SSBP2: variants seen among roughly 807,000 people sequenced by gnomAD.
The protein encoded by SSBP2 is single-stranded DNA-binding protein 2.
Under a neutral mutation model 61.8 loss-of-function variants are expected in SSBP2, and 17 were observed. The observed-to-expected ratio is 0.28, with a 90% CI of 0.19 to 0.41. The LOEUF is 0.41. Among genes scored for constraint, SSBP2 ranks in the 10% least tolerant of loss-of-function variants. SSBP2 has a pLI of 1.00. For synonymous variants in SSBP2, 139 were observed against 141.3 expected (o/e 0.98, Z 0.12); for missense variants, 310 against 458.7 (o/e 0.68, Z 2.96).
intron 1 of SSBP2, among the ~76,000 whole-genome samples, chr5:81,718,527 GA>G (rs1311014260): frequency 1.3e-5 from 2 of 152,036 alleles, no homozygotes; most frequent in Non-Finnish European, 2.9e-5. Context: ...GAAACCTAAT[GA>G]AAAAAACATC....
chr5:81,593,103 G>C (rs900466618), intron 4 of SSBP2, among the ~76,000 whole-genome samples: 2 of 152,146 alleles, frequency 1.3e-5, no homozygotes, highest in African/African-American at 4.8e-5. Flanking sequence ...AAAAAAATCA[G>C]ACGAATGGAT....
In SSBP2 at chr5:81,441,109, T is replaced by TAAAA. The variant is rs1277125439; in HGVS notation, c.850-474_850-473insTTTT. On this transcript the variant is annotated intron_variant, in intron 13 of 16. Coordinates refer to ENST00000320672, the MANE Select transcript of SSBP2 (RefSeq NM_012446.5). ...TGTTTAAATGGACATAATAAATAAT[T>TAAAA]TCATCTTATAGGTTAAATACATTTC... Among the ~76,000 whole-genome samples the TAAAA allele has an allele frequency of 3.4e-4, 52 of 152,336 alleles. No individual in the cohort carries two copies. The Middle Eastern group carries it at 0.024, about 70-fold the overall frequency.
chr5:81,739,644 A>G (rs896632515), intron 1 of SSBP2, among the ~76,000 whole-genome samples: 1 of 152,234 alleles, frequency 6.6e-6, no homozygotes, highest in Admixed American at 6.5e-5. Flanking sequence ...CAGACGGTTA[A>G]CATTTTTTTA....
At chr5:81,609,894 G>A (rs2153584175) in intron 4 of SSBP2, among the ~76,000 whole-genome samples, 1 of 152,044 alleles carries the variant, frequency 6.6e-6, no homozygotes, top group South Asian at 2.1e-4. Context: ...TAAAAGCCCT[G>A]GGCTCAGCCA....
chr5:81,441,375 C>A (rs1580692325), intron 13 of SSBP2, among the ~76,000 whole-genome samples: 1 of 152,196 alleles, frequency 6.6e-6, no homozygotes, highest in African/African-American at 2.4e-5. Flanking sequence ...TTCCTCTCAT[C>A]TCTCTAGAAG....
At position 81,418,857 on chromosome 5, in the gene SSBP2, C is replaced by T. The variant is rs1031354343; in HGVS notation, c.*1647G>A. 3.9e-5 allele frequency: 6 copies of T among 152,108 alleles called. No homozygotes were observed. Among genetic ancestry groups the T allele is most frequent in the African/African-American group, 1.4e-4 (6 of 41,428 alleles). The allele number at this position is 152,108 out of a possible 1,614,324, so 9.4% of individuals were successfully genotyped here. ...TTATGAGCTGCATGACTATATCCTGCCAAATTTTCACTTTAGAGACTATAA... is the reference window on the plus strand; with the variant it reads ...TTATGAGCTGCATGACTATATCCTGTCAAATTTTCACTTTAGAGACTATAA... On this transcript the variant is annotated 3_prime_UTR_variant, in exon 17 of 17. Coordinates refer to ENST00000320672, the MANE Select transcript of SSBP2 (RefSeq NM_012446.5).
chr5:81,626,495 G>A (rs1189370908), intron 3 of SSBP2, among the ~76,000 whole-genome samples: 1 of 152,166 alleles, frequency 6.6e-6, no homozygotes, highest in Non-Finnish European at 1.5e-5. Context: ...CGTGAGTGTG[G>A]TTTTAAGAGT....
intron 1 of SSBP2, among the ~76,000 whole-genome samples, chr5:81,689,181 G>C (rs1753028904): frequency 6.6e-6 from 1 of 151,798 alleles, no homozygotes; most frequent in Non-Finnish European, 1.5e-5. Flanking sequence ...TATACAGTCA[G>C]AGGAGAAAAA....
chr5:81,740,445 A>G (rs1346018858), intron 1 of SSBP2, among the ~76,000 whole-genome samples: 1 of 152,240 alleles, frequency 6.6e-6, no homozygotes, highest in Non-Finnish European at 1.5e-5. Context: ...TGATGTGAAA[A>G]AAATAAAACA....
intron 1 of SSBP2, among the ~76,000 whole-genome samples, chr5:81,694,109 G>T (rs1048886100): frequency 1.4e-4 from 21 of 152,140 alleles, no homozygotes; most frequent in Non-Finnish European, 2.6e-4. Context: ...TCAGGTATTT[G>T]TGGGAGCTAA....
At chr5:81,654,691 A>G (rs900078086) in intron 1 of SSBP2, among the ~76,000 whole-genome samples, 2 of 152,228 alleles carry the variant, frequency 1.3e-5, no homozygotes, top group Non-Finnish European at 2.9e-5. Context: ...GAATGTCCAG[A>G]AAGTTCTGGG....
At chr5:81,571,111 T>C (rs1038731956) in intron 4 of SSBP2, among the ~76,000 whole-genome samples, 2 of 152,236 alleles carry the variant, frequency 1.3e-5, no homozygotes, top group African/African-American at 2.4e-5. Context: ...GGAGCAAACA[T>C]ACAGTTTCTA....
chr5:81,618,350 CA>C lies in SSBP2; in HGVS notation c.198-2794del, dbSNP rs1746260551. The stretch of plus-strand genomic sequence containing the variant: ...TTAAACCAACAAAGATGAAAAGAGA[CA>C]AAGAAGGCCATTACATAATGGTAAA... On this transcript the variant is annotated intron_variant, in intron 3 of 16. Coordinates refer to ENST00000320672, the MANE Select transcript of SSBP2 (RefSeq NM_012446.5). 2.0e-5 allele frequency among the ~76,000 whole-genome samples: 2 copies of C among 101,560 alleles called. 1 individual carries two copies. Among genetic ancestry groups the C allele is most frequent in the Non-Finnish European group, 4.3e-5 (2 of 46,766 alleles). The allele number at this position is 101,560 out of a possible 152,430, so 66.6% of individuals were successfully genotyped here.
upstream of SSBP2, chr5:81,751,208 C>T (rs1757746574): frequency 4.3e-6 from 3 of 702,616 alleles, no homozygotes; most frequent in African/African-American, 3.5e-5. Flanking sequence ...ACTGACAGGC[C>T]TCCCCCTCCC....
At chr5:81,607,332 G>A (rs1351563029) in intron 4 of SSBP2, among the ~76,000 whole-genome samples, 1 of 152,062 alleles carries the variant, frequency 6.6e-6, no homozygotes, top group East Asian at 1.9e-4. Flanking sequence ...CAGAATTGGG[G>A]GCATCTCATT....
intron 13 of SSBP2, among the ~76,000 whole-genome samples, chr5:81,440,970 A>G (rs780267810): frequency 4.6e-5 from 7 of 152,252 alleles, no homozygotes; most frequent in South Asian, 4.1e-4. Context: ...CAAATTTTCT[A>G]TTGAAAACCA....
chr5:81,539,026 G>A (rs1423528250), intron 4 of SSBP2, among the ~76,000 whole-genome samples: 1 of 152,180 alleles, frequency 6.6e-6, no homozygotes, highest in East Asian at 1.9e-4. Flanking sequence ...GGCTTTAACT[G>A]CCACAAATAG....
intron 1 of SSBP2, among the ~76,000 whole-genome samples, chr5:81,681,678 A>G (rs565466394): frequency 2.0e-5 from 3 of 152,266 alleles, no homozygotes; most frequent in Non-Finnish European, 4.4e-5. Context: ...ACTAAGGAAA[A>G]GAAGGGCAAA....
intron 1 of SSBP2, among the ~76,000 whole-genome samples, chr5:81,748,603 A>G (rs894412106): frequency 3.9e-5 from 6 of 152,228 alleles, no homozygotes; most frequent in Admixed American, 3.3e-4. Context: ...AACCCAGAAC[A>G]GTCATTGTCA....
Sources: gnomAD v4.1 joint callset for allele counts (sites outside exome capture counted in the v4.1 genomes callset) on GRCh38, gnomAD v4.1.1 for gene constraint, MANE v1.5 for transcripts, NCBI Gene and HGNC (gene_info 2026-07-23, HGNC 2026-07-21) for gene names.